LPIN1: variants seen among roughly 807,000 people sequenced by gnomAD.
The protein encoded by LPIN1 is phosphatidate phosphatase LPIN1.
In LPIN1, 71 loss-of-function variants were observed where a neutral mutation model predicts 107.5. The observed-to-expected ratio is 0.66, with a 90% confidence interval of 0.55 to 0.80. LPIN1 has a LOEUF of 0.80. LPIN1 is among the 30% of genes least tolerant of loss of function. The probability of loss-of-function intolerance (pLI) is 0.00; values close to 1 mark genes in which losing one functional copy is unlikely to be tolerated. For synonymous variants in LPIN1, 445 were observed against 452.6 expected (o/e 0.98, Z 0.21); for missense variants, 1,043 against 1,160.6 (o/e 0.90, Z 1.47).
At chr2:11,739,859 C>A (rs1558776705) in intron 1 of LPIN1, among the ~76,000 whole-genome samples, 1 of 152,148 alleles carries the variant, frequency 6.6e-6, no homozygotes, top group Non-Finnish European at 1.5e-5. Context: ...TTTATATAAC[C>A]ATATGCGAAT....
rs538960685 is a variant in LPIN1, at chr2:11,800,010, T to C, written c.1887-2897T>C. Among the ~76,000 whole-genome samples, 24 of 152,352 alleles carry C rather than the reference T, an allele frequency of 1.6e-4. No homozygotes were observed. The South Asian group carries it at 3.1e-3, about 20-fold the overall frequency. ...CCAACCACAGTTCTAGCCGATGCTCTGTTTTCCTTCAACTCAGCCTCCTGT... is the reference window on the plus strand; with the variant it reads ...CCAACCACAGTTCTAGCCGATGCTCCGTTTTCCTTCAACTCAGCCTCCTGT... On this transcript the variant is annotated intron_variant, in intron 14 of 20. Transcript: ENST00000674199.
At position 11,773,737 on chromosome 2, in the gene LPIN1, C is replaced by T. The variant is rs1349650656; in HGVS notation, c.714C>T (p.Pro238=). The change falls in exon 5 of 21, where the codon CCC becomes CCT. Residue 238 remains proline (P), a synonymous_variant. Coordinates refer to ENST00000674199, the MANE Select transcript of LPIN1 (RefSeq NM_001349206.2). ...CTAATTCGGATAGAGAGTGGTCACC[C>T]ACTCCCAGGTAAGCTGTTCCCTGTT... The part of the protein sequence containing the change: ...SYPNSDREWS[P]TPSSLVDCKR... 3.7e-6 allele frequency: 6 copies of T among 1,613,992 alleles called. No homozygotes were observed. The highest frequency in any genetic ancestry group is 3.4e-6 in the Non-Finnish European group (4 of 1,180,002).
At chr2:11,790,553 C>G (rs577602394) in intron 12 of LPIN1, among the ~76,000 whole-genome samples, 109 of 152,352 alleles carry the variant, frequency 7.2e-4, no homozygotes, top group African/African-American at 2.5e-3. Flanking sequence ...TCTCCGCATG[C>G]ATTGCAGCCT....
chr2:11,787,388 T>C (rs1674776957), intron 11 of LPIN1, among the ~76,000 whole-genome samples: 1 of 133,936 alleles, frequency 7.5e-6, no homozygotes, highest in African/African-American at 3.0e-5. Flanking sequence ...TTTTCTTTTC[T>C]TTTCTTTTTC....
At chr2:11,810,507 G>A (rs1303616643) in intron 17 of LPIN1, among the ~76,000 whole-genome samples, 4 of 152,192 alleles carry the variant, frequency 2.6e-5, no homozygotes, top group Non-Finnish European at 4.4e-5. Context: ...GTTGCAGAGC[G>A]CCTGGGAGGC....
At chr2:11,715,101 C>T (rs1351611423) in intron 2 of LPIN1, among the ~76,000 whole-genome samples, 3 of 152,158 alleles carry the variant, frequency 2.0e-5, no homozygotes, top group East Asian at 1.9e-4. Context: ...AGAGAAGCTC[C>T]GCTCTGTGAG....
intron 1 of LPIN1, among the ~76,000 whole-genome samples, chr2:11,699,800 G>A (rs1662775762): frequency 6.6e-6 from 1 of 152,168 alleles, no homozygotes; most frequent in African/African-American, 2.4e-5. Flanking sequence ...AGTGATATAA[G>A]CAAGGGCAAT....
chr2:11,685,386 G>A (rs911076195), intron 1 of LPIN1, among the ~76,000 whole-genome samples: 3 of 152,220 alleles, frequency 2.0e-5, no homozygotes, highest in African/African-American at 7.2e-5. Flanking sequence ...CCACCTCCTG[G>A]GCTTTCGGGG....
In LPIN1 at chr2:11,764,103, T is replaced by TATACACACAC. The variant is rs1553422099; in HGVS notation, c.-9-1429_-9-1428insTACACACACA. The TATACACACAC allele has an allele frequency of 3.4e-3, 412 of 121,746 alleles. 6 individuals carry two copies. Among genetic ancestry groups the TATACACACAC allele is most frequent in the African/African-American group, 0.013 (386 of 29,612 alleles). The allele number at this position is 121,746 out of a possible 1,614,324, so 7.5% of individuals were successfully genotyped here. A position where few individuals can be genotyped will look rare whatever the true frequency, so the allele number is the denominator to read the frequency against. ...GTATATATATATATATATATATATA[T>TATACACACAC]ACACACACACACACACAACGACTAA... On this transcript the variant is annotated intron_variant, in intron 1 of 20. Transcript: ENST00000674199.
intron 1 of LPIN1, among the ~76,000 whole-genome samples, chr2:11,738,941 T>C (rs1206757899): frequency 6.6e-6 from 1 of 152,256 alleles, no homozygotes; most frequent in African/African-American, 2.4e-5. Context: ...ATTGTGTGTC[T>C]GTGAGAGCAG....
Position 11,746,780 on chromosome 2 carries a change from G to A in LPIN1, c.-10+109G>A, listed in dbSNP as rs2148566792. The A allele has an allele frequency of 1.0e-5, 5 of 501,092 alleles. No individual in the cohort carries two copies. The South Asian group carries it at 4.2e-4, about 42-fold the overall frequency. The allele number at this position is 501,092 out of a possible 1,614,324, so 31.0% of individuals were successfully genotyped here. A position where few individuals can be genotyped will look rare whatever the true frequency, so the allele number is the denominator to read the frequency against. On this transcript the variant is annotated intron_variant, in intron 1 of 20. Coordinates refer to ENST00000674199, the MANE Select transcript of LPIN1 (RefSeq NM_001349206.2). Reference sequence around the variant, plus strand: ...CGCTGAGGACGCGTGGCGAGGCGGGGGCTCGGCCCCGGGGCCCGAGGACCG... The same window carrying A: ...CGCTGAGGACGCGTGGCGAGGCGGGAGCTCGGCCCCGGGGCCCGAGGACCG...
chr2:11,763,959 A>ATTTT (rs1296790459), intron 1 of LPIN1, among the ~76,000 whole-genome samples: 1 of 108,726 alleles, frequency 9.2e-6, no homozygotes, highest in Non-Finnish European at 1.9e-5. Flanking sequence ...ACTGACATAT[A>ATTTT]TTTTAGTGTG....
chr2:11,725,436 A>T (rs999799459), intron 1 of LPIN1, among the ~76,000 whole-genome samples: 3 of 152,170 alleles, frequency 2.0e-5, no homozygotes, highest in Non-Finnish European at 2.9e-5. Context: ...GATGAGAACA[A>T]TAGGTACCGG....
At chr2:11,785,165 C>T in intron 10 of LPIN1, 89 bp downstream of exon 10, 2 of 995,126 alleles carry the variant, frequency 2.0e-6, no homozygotes, top group Non-Finnish European at 2.9e-6. Context: ...CGTGTCAAGG[C>T]AGCTTTTCCC....
intron 1 of LPIN1, among the ~76,000 whole-genome samples, chr2:11,751,566 G>A (rs1313557851): frequency 3.3e-5 from 5 of 152,040 alleles, no homozygotes; most frequent in Non-Finnish European, 7.4e-5. Flanking sequence ...TTTAAAAATG[G>A]GTCCAGCTGG....
At chr2:11,688,654 C>T (rs1662128522) in intron 1 of LPIN1, among the ~76,000 whole-genome samples, 2 of 152,204 alleles carry the variant, frequency 1.3e-5, no homozygotes, top group Admixed American at 6.5e-5. Flanking sequence ...AATCAGGGCC[C>T]CTCGCCACAG....
chr2:11,759,965 G>T (rs1271401570), intron 1 of LPIN1, among the ~76,000 whole-genome samples: 1 of 147,830 alleles, frequency 6.8e-6, no homozygotes, highest in Non-Finnish European at 1.5e-5. Flanking sequence ...TTCTCAGACG[G>T]GGTGGCTGCC....
rs1558252985 is a variant in LPIN1, at chr2:11,796,565, G to A, written c.1886+1078G>A. On this transcript the variant is annotated intron_variant, in intron 14 of 20. Coordinates refer to ENST00000674199, the MANE Select transcript of LPIN1 (RefSeq NM_001349206.2). ...AATGTGACTGTGAATGGCCTGGCTCGCTCTCGCCTGGGATGCTCTTGAAAC... is the reference window on the plus strand; with the variant it reads ...AATGTGACTGTGAATGGCCTGGCTCACTCTCGCCTGGGATGCTCTTGAAAC... 2.0e-5 allele frequency among the ~76,000 whole-genome samples: 3 copies of A among 152,272 alleles called. No homozygotes were observed. In the South Asian group the frequency reaches 6.2e-4, roughly 32 times the overall value.
chr2:11,796,891 G>GTTTGGAATCCACAC (rs1324012453), intron 14 of LPIN1, among the ~76,000 whole-genome samples: 2 of 152,202 alleles, frequency 1.3e-5, no homozygotes, highest in Non-Finnish European at 2.9e-5. Flanking sequence ...GGCAAGTGTG[G>GTTTGGAATCCACAC]TTTGGAATCC....
Sources: allele counts gnomAD v4.1 joint callset (sites outside exome capture counted in the v4.1 genomes callset), GRCh38; gene constraint gnomAD v4.1.1; transcripts MANE v1.5; gene names NCBI Gene and HGNC (gene_info 2026-07-23, HGNC 2026-07-21).